Variants in MAST2 observed in about 807,000 individuals in gnomAD.
The protein encoded by MAST2 is microtubule associated serine/threonine kinase 2, also known as microtubule-associated serine/threonine-protein kinase 2.
A neutral mutation model predicts 147.4 loss-of-function variants in MAST2; 70 were observed. The observed-to-expected ratio is 0.47, with a 90% CI of 0.39 to 0.58. The LOEUF (loss-of-function observed/expected upper bound fraction) is 0.58. Ranked by LOEUF, MAST2 falls within the 20% of genes least tolerant of loss-of-function variation. The pLI, the probability that MAST2 is intolerant of heterozygous loss-of-function variation, is 0.00. For synonymous variants in MAST2, 869 were observed against 896.8 expected, an observed-to-expected ratio of 0.97 and a Z score of 0.55; for missense variants, 2,080 against 2,302.3, an observed-to-expected ratio of 0.90 and a Z score of 1.98.
intron 9 of MAST2, among the ~76,000 whole-genome samples, chr1:46,009,942 G>A (rs985662067): frequency 2.6e-5 from 4 of 152,198 alleles, no homozygotes; most frequent in Non-Finnish European, 5.9e-5. Flanking sequence ...GTTCACAGAT[G>A]TGTATCTGTC....
chr1:45,844,644 T>G (rs542876283), intron 3 of MAST2, among the ~76,000 whole-genome samples: 1 of 152,142 alleles, frequency 6.6e-6, no homozygotes, highest in Non-Finnish European at 1.5e-5. Context: ...CAGTTTGGTC[T>G]CGAACCCCTG....
rs1317426197 is a variant in MAST2, at chr1:45,824,556, G to A, written c.301G>A (p.Gly101Arg). 6.2e-7 allele frequency: 1 copy of A among 1,603,510 alleles called. No homozygotes were observed. Among genetic ancestry groups the A allele is most frequent in the African/African-American group, 1.3e-5 (1 of 74,684 alleles). ...LSQDDCKLWR[G>R]NLASSLSGKQ... ...TCAGGATGATTGTAAGTTATGGAGA[G>A]GAAACCTGGCCAGCTCTCTATCGGG... Residue 101 changes from glycine (G) to arginine (R), a missense_variant, in exon 2 of 29, where the codon GGA becomes AGA. By Grantham distance (125) the Gly-to-Arg change is moderately radical. Coordinates refer to ENST00000361297, the MANE Select transcript of MAST2 (RefSeq NM_015112.3).
At chr1:45,879,580 A>G (rs1646756538) in intron 3 of MAST2, among the ~76,000 whole-genome samples, 1 of 151,236 alleles carries the variant, frequency 6.6e-6, no homozygotes. Context: ...CTCAAAAAAA[A>G]AAAAAAAAAA....
At chr1:45,849,698 T>C (rs1002430451) in intron 3 of MAST2, among the ~76,000 whole-genome samples, 5 of 152,104 alleles carry the variant, frequency 3.3e-5, no homozygotes, top group Non-Finnish European at 5.9e-5. Flanking sequence ...AGCTAATTTT[T>C]TGTATTTTTA....
chr1:45,928,919 G>T (rs1159999742), intron 4 of MAST2, among the ~76,000 whole-genome samples: 1 of 150,922 alleles, frequency 6.6e-6, no homozygotes, highest in African/African-American at 2.4e-5. Context: ...TTTGCTGATT[G>T]CATCCTTCAG....
At position 46,023,962 on chromosome 1, in the gene MAST2, G is replaced by T. The variant is rs569984500; in HGVS notation, c.1762G>T (p.Val588Leu). The T allele has an allele frequency of 3.1e-6, 5 of 1,614,234 alleles. No individual in the cohort carries two copies. Among genetic ancestry groups the T allele is most frequent in the Non-Finnish European group, 4.2e-6 (5 of 1,180,044 alleles). The change falls in exon 15 of 29, where the codon GTG (valine) becomes TTG (leucine). Residue 588 changes from valine to leucine, a missense_variant. Around this residue, in one of 4 missense-constraint regions of MAST2, gnomAD observed 209 missense variants for 309.5 expected, o/e 0.68. Transcript: ENST00000361297. This position sits in a 1 kb window ranked among gnomAD's most constrained non-coding sequence, Gnocchi z 4.9. ...TGATACCAAGCGCCACTTGTGCATG[G>T]TGATGGAGTACGTTGAAGGTACTGA... ...SFDTKRHLCM[V>L]MEYVEGGDCA... is the part of the protein sequence containing the mutation.
At chr1:45,846,697 T>G (rs1259013534) in intron 3 of MAST2, among the ~76,000 whole-genome samples, 2 of 151,788 alleles carry the variant, frequency 1.3e-5, no homozygotes, top group Non-Finnish European at 2.9e-5. Context: ...TGGTGGCGGG[T>G]ACCTGTAATC....
In MAST2 at chr1:45,803,637, G is replaced by T; in HGVS notation, c.-259G>T. 1 of 254,446 alleles carries T rather than the reference G, an allele frequency of 3.9e-6. No individual in the cohort carries two copies. The highest frequency in any genetic ancestry group is 7.4e-6 in the Non-Finnish European group (1 of 135,216). The allele number at this position is 254,446 out of a possible 1,614,324, so 15.8% of individuals were successfully genotyped here. On this transcript the variant is annotated 5_prime_UTR_variant, in exon 1 of 29. Coordinates refer to ENST00000361297, the MANE Select transcript of MAST2 (RefSeq NM_015112.3). ...GTAGGCAGGCGGCTGAGCCGGCGGC[G>T]GGTGGCCTGCCCAACGTGTGCTGGG...
At chr1:45,986,845 A>G (rs977363802) in intron 5 of MAST2, among the ~76,000 whole-genome samples, 1 of 151,830 alleles carries the variant, frequency 6.6e-6, no homozygotes, top group Non-Finnish European at 1.5e-5. Flanking sequence ...TAGTTATCTT[A>G]TAATATCTTT....
chr1:45,829,622 C>T (rs890573924), intron 3 of MAST2, 41 bp downstream of exon 3: 10 of 1,567,622 alleles, frequency 6.4e-6, no homozygotes, highest in Admixed American at 3.7e-5. Context: ...TATGAAAAAT[C>T]CATAATTGTC....
At chr1:45,967,820 A>G (rs1376040752) in intron 5 of MAST2, among the ~76,000 whole-genome samples, 3 of 152,212 alleles carry the variant, frequency 2.0e-5, no homozygotes, top group African/African-American at 7.2e-5. Flanking sequence ...AAATACCACT[A>G]TACCACTTTG....
At chr1:45,840,999 G>A (rs1645257214) in intron 3 of MAST2, among the ~76,000 whole-genome samples, 1 of 152,162 alleles carries the variant, frequency 6.6e-6, no homozygotes, top group African/African-American at 2.4e-5. Flanking sequence ...CACCCAGGGT[G>A]GAGTGCAGTG....
intron 4 of MAST2, among the ~76,000 whole-genome samples, chr1:45,926,759 T>C (rs1158647291): frequency 6.6e-6 from 1 of 151,786 alleles, no homozygotes; most frequent in Admixed American, 6.6e-5. Context: ...TTTTTTTTTG[T>C]TTTTTCATTG....
intron 3 of MAST2, among the ~76,000 whole-genome samples, chr1:45,874,502 C>G (rs923072223): frequency 2.0e-5 from 3 of 152,182 alleles, no homozygotes; most frequent in African/African-American, 7.2e-5. Flanking sequence ...ATATTCTTCC[C>G]CTAGTAAAGC....
chr1:46,016,874 C>G (rs1158140773), intron 10 of MAST2, among the ~76,000 whole-genome samples: 4 of 152,222 alleles, frequency 2.6e-5, no homozygotes, highest in Admixed American at 2.0e-4. Flanking sequence ...CAAGTCAATC[C>G]TAAGCCAAAA....
intron 4 of MAST2, among the ~76,000 whole-genome samples, chr1:45,909,899 G>A (rs529963800): frequency 2.0e-5 from 3 of 151,754 alleles, no homozygotes; most frequent in Non-Finnish European, 4.4e-5. Flanking sequence ...TGCAACCTCC[G>A]CCTCCCGGGT....
chr1:45,939,031 G>A (rs765053513), intron 4 of MAST2, among the ~76,000 whole-genome samples: 13 of 151,258 alleles, frequency 8.6e-5, no homozygotes, highest in Admixed American at 1.3e-4. Context: ...GGATGGTGTC[G>A]TTTGAAATGC....
At chr1:45,933,247 TG>T (rs1188759394) in intron 4 of MAST2, among the ~76,000 whole-genome samples, 5 of 19,604 alleles carry the variant, frequency 2.6e-4, no homozygotes, top group Admixed American at 1.0e-3. Flanking sequence ...GCGGGGGGGT[TG>T]GGGGGGGCAA....
intron 20 of MAST2, 71 bp downstream of exon 20, chr1:46,030,024 A>G: frequency 6.2e-7 from 1 of 1,607,654 alleles, no homozygotes; most frequent in Admixed American, 1.7e-5. Flanking sequence ...TGCACACTGA[A>G]ATTGCATTGG....
Sources: allele counts gnomAD v4.1 joint callset (sites outside exome capture counted in the v4.1 genomes callset), GRCh38; gene constraint gnomAD v4.1.1; regional missense constraint gnomAD v4.1.1; non-coding constraint Gnocchi (gnomAD v3.1); transcripts MANE v1.5; gene names NCBI Gene and HGNC (gene_info 2026-07-23, HGNC 2026-07-21).